IQCE: variants seen among roughly 807,000 people sequenced by gnomAD.
IQCE encodes IQ domain-containing protein E.
IQCE carries 115 observed loss-of-function variants against 96.0 expected under a neutral mutation model. The ratio of observed to expected loss-of-function variants is 1.20; its 90% confidence interval spans 1.03 to 1.40. The LOEUF is 1.40. IQCE is among the 40% of genes most tolerant of loss of function. The pLI is 0.00. For missense variants in IQCE, 1,041 were observed against 909.1 expected (o/e 1.15, Z -1.87); for synonymous variants, 412 against 371.2 (o/e 1.11, Z -1.26).
chr7:2,561,620 A>C (rs1478327874), intron 1 of IQCE, among the ~76,000 whole-genome samples: 1 of 151,636 alleles, frequency 6.6e-6, no homozygotes, highest in East Asian at 2.0e-4. Flanking sequence ...ACGGGGTTTC[A>C]CCTTGTTAGC....
chr7:2,587,907 T>C, intron 13 of IQCE, 30 bp downstream of exon 13: 4 of 1,605,616 alleles, frequency 2.5e-6, no homozygotes, highest in Non-Finnish European at 3.4e-6. Flanking sequence ...CCACTGTCGT[T>C]GGGGACCAGG....
intron 4 of IQCE, 79 bp downstream of exon 4, chr7:2,571,733 GT>G: frequency 7.2e-7 from 1 of 1,391,058 alleles, no homozygotes; most frequent in Non-Finnish European, 9.9e-7. Flanking sequence ...TTGAGATGGA[GT>G]TTTTAATATT....
At chr7:2,562,851 C>T (rs1781068057) in intron 1 of IQCE, among the ~76,000 whole-genome samples, 1 of 146,660 alleles carries the variant, frequency 6.8e-6, no homozygotes, top group Non-Finnish European at 1.5e-5. Context: ...TGAGATCTTT[C>T]TTTCTTTTTT....
intron 8 of IQCE, chr7:2,582,190 C>G: frequency 2.5e-6 from 1 of 401,510 alleles, no homozygotes; most frequent in East Asian, 7.0e-5. Flanking sequence ...GGAGACTGAA[C>G]TGGGCGGCCC....
chr7:2,602,342 C>A (rs1260230145), intron 18 of IQCE, among the ~76,000 whole-genome samples: 1 of 152,192 alleles, frequency 6.6e-6, no homozygotes, highest in Non-Finnish European at 1.5e-5. Flanking sequence ...CCAGCCATGA[C>A]CCTTTTTAGG....
chr7:2,603,718 C>A (rs4721867), intron 18 of IQCE, among the ~76,000 whole-genome samples: 2 of 152,142 alleles, frequency 1.3e-5, no homozygotes, highest in East Asian at 3.8e-4. Flanking sequence ...GGTCGTTCAC[C>A]GTTAATAGCC....
intron 1 of IQCE, among the ~76,000 whole-genome samples, chr7:2,559,786 A>G (rs1393340251): frequency 0.026 from 1,016 of 38,872 alleles, no homozygotes; most frequent in Non-Finnish European, 0.045. Context: ...GGGGGGGCGG[A>G]GGGACAAGGT....
intron 8 of IQCE, among the ~76,000 whole-genome samples, chr7:2,581,550 G>A (rs1300566394): frequency 6.6e-6 from 1 of 151,918 alleles, no homozygotes; most frequent in East Asian, 1.9e-4. Context: ...TTTAAAAGTT[G>A]TCTGTTCAAG....
Position 2,581,398 on chromosome 7 carries a change from G to A in IQCE, c.631-1182G>A, listed in dbSNP as rs1384051293. ...TTTTTGTATTTTTAGTAGAGATGGG[G>A]TTTCACCATGTTGGCCAGGCTGGTC... On this transcript the variant is annotated intron_variant, in intron 8 of 21. Coordinates refer to ENST00000402050, the MANE Select transcript of IQCE (RefSeq NM_152558.5). 2.0e-5 allele frequency among the ~76,000 whole-genome samples: 3 copies of A among 151,862 alleles called. No homozygotes were observed. In the East Asian group the frequency reaches 5.9e-4, roughly 30 times the overall value.
intron 8 of IQCE, chr7:2,580,110 G>C (rs1056003012): frequency 2.1e-4 from 32 of 152,114 alleles, no homozygotes; most frequent in Admixed American, 1.2e-3. Context: ...TTGTCCATCA[G>C]TGTGGCTGTG....
At chr7:2,561,686 G>C (rs1166806111) in intron 1 of IQCE, among the ~76,000 whole-genome samples, 3 of 152,182 alleles carry the variant, frequency 2.0e-5, no homozygotes, top group African/African-American at 7.2e-5. Context: ...CTCCCAAAGT[G>C]CTGGGATTAC....
At chr7:2,569,734 C>T (rs910245654) in intron 3 of IQCE, among the ~76,000 whole-genome samples, 1 of 152,160 alleles carries the variant, frequency 6.6e-6, no homozygotes, top group Non-Finnish European at 1.5e-5. Flanking sequence ...AGATGTGTGT[C>T]TATTTTATAT....
At chr7:2,600,156 G>T (rs4719594) in intron 17 of IQCE, among the ~76,000 whole-genome samples, 2 of 151,774 alleles carry the variant, frequency 1.3e-5, no homozygotes, top group African/African-American at 4.8e-5. Flanking sequence ...GTTACAGAAC[G>T]TTCCCTTTCC....
intron 20 of IQCE, among the ~76,000 whole-genome samples, chr7:2,606,251 G>A (rs57685687): frequency 1.3e-5 from 2 of 152,142 alleles, no homozygotes; most frequent in South Asian, 4.1e-4. Flanking sequence ...CTTCCCTACC[G>A]GGAGGAGATG....
At chr7:2,571,778 G>A (rs11772879) in intron 4 of IQCE, 124 bp downstream of exon 4, 165,683 of 1,109,934 alleles carry the variant, frequency 0.15, 13,312 homozygotes, top group Non-Finnish European at 0.16. Context: ...TAGTTTTCTC[G>A]AAGACATCAA....
chr7:2,584,762 C>G (rs1431971645), intron 11 of IQCE: 1 of 165,890 alleles, frequency 6.0e-6, no homozygotes, highest in East Asian at 1.7e-4. Context: ...ATGGCTTTGG[C>G]CACGTCACTG....
At chr7:2,589,695 C>G (rs1466253525) in intron 13 of IQCE, among the ~76,000 whole-genome samples, 1 of 152,078 alleles carries the variant, frequency 6.6e-6, no homozygotes, top group Non-Finnish European at 1.5e-5. Context: ...TCTGCGCGTG[C>G]CTCACTTCTG....
rs1361394293 is a variant in IQCE at position 2,571,541 on chromosome 7, C to T, written c.146C>T (p.Ser49Phe). Residue 49 changes from serine to phenylalanine, a missense_variant, in exon 4 of 22, where the codon TCT becomes TTT. Transcript: ENST00000402050. ...PPTSPKSPYL[S>F]KPRKVASWRS... ...GCTTTTCCAGAGTCACCTTATCTCT[C>T]TAAGCCGAGAAAAGTGGCCTCCTGG... is the stretch of plus-strand genomic sequence containing the variant. 8 of 1,606,382 alleles carry T rather than the reference C, an allele frequency of 5.0e-6. No individual in the cohort carries two copies. The highest frequency in any genetic ancestry group is 6.8e-6 in the Non-Finnish European group (8 of 1,179,996).
intron 16 of IQCE, among the ~76,000 whole-genome samples, chr7:2,595,317 C>T (rs972783169): frequency 1.3e-5 from 2 of 152,210 alleles, no homozygotes; most frequent in Admixed American, 1.3e-4. Context: ...GAAGGCTCAA[C>T]CAGGCCCCTG....
Sources: gnomAD v4.1 joint callset for allele counts (sites outside exome capture counted in the v4.1 genomes callset) on GRCh38, gnomAD v4.1.1 for gene constraint, MANE v1.5 for transcripts, NCBI Gene and HGNC (gene_info 2026-07-23, HGNC 2026-07-21) for gene names.